CELF2: variants seen among roughly 807,000 people sequenced by gnomAD.
CELF2 encodes CUGBP Elav-like family member 2.
A neutral mutation model predicts 62.6 loss-of-function variants in CELF2; 8 were observed. The observed-to-expected ratio is 0.13, with a 90% confidence interval of 0.07 to 0.23. The LOEUF is 0.23. Ranked by LOEUF, CELF2 falls within the 10% of genes least tolerant of loss-of-function variation. The pLI, the probability that CELF2 is intolerant of heterozygous loss-of-function variation, is 1.00. For missense variants in CELF2, 333 were observed against 671.0 expected, an observed-to-expected ratio of 0.50 and a Z score of 5.56; for synonymous variants, 258 against 250.0, an observed-to-expected ratio of 1.03 and a Z score of -0.30.
intron 5 of CELF2, among the ~76,000 whole-genome samples, chr10:11,261,065 C>G (rs3780989): frequency 0.73 from 111,661 of 152,196 alleles, 43,481 homozygotes; most frequent in Middle Eastern, 0.88. Flanking sequence ...ACAGTACCTT[C>G]TAACACAAAA....
At chr10:10,497,991 A>G in the CELF2 span, among the ~76,000 whole-genome samples, 4 of 152,190 alleles carry the variant, frequency 2.6e-5, no homozygotes, top group Admixed American at 1.3e-4. Flanking sequence ...GTCAGAGGTG[A>G]AGGAGGGTCC....
chr10:11,007,616 G>T (rs575986176), intron 1 of CELF2, among the ~76,000 whole-genome samples: 1 of 152,144 alleles, frequency 6.6e-6, no homozygotes, highest in African/African-American at 2.4e-5. Context: ...TCATTCCATC[G>T]TATACCAATA....
intron 2 of CELF2, among the ~76,000 whole-genome samples, chr10:10,971,252 C>T (rs1421215752): frequency 6.6e-6 from 1 of 152,190 alleles, no homozygotes; most frequent in African/African-American, 2.4e-5. Context: ...TCTGAGTTCT[C>T]ATAGACAGCT....
At chr10:10,689,868 T>A in the CELF2 span, among the ~76,000 whole-genome samples, 22 of 152,254 alleles carry the variant, frequency 1.4e-4, no homozygotes, top group Admixed American at 1.0e-3. Context: ...TCCTACTGAA[T>A]TTCAACAGAA....
At chr10:10,865,526 A>G (rs570889578) in intron 1 of CELF2, among the ~76,000 whole-genome samples, 1 of 152,230 alleles carries the variant, frequency 6.6e-6, no homozygotes, top group Non-Finnish European at 1.5e-5. Flanking sequence ...TATTAGCCTT[A>G]TAGTTACATC....
chr10:10,918,460 A>C (rs10905863), intron 1 of CELF2, among the ~76,000 whole-genome samples: 57,416 of 152,054 alleles, frequency 0.38, 12,284 homozygotes, highest in East Asian at 0.71. Context: ...CTTAGGAAAG[A>C]ATATTTTTAT....
At chr10:11,202,931 C>G (rs866123138) in intron 2 of CELF2, among the ~76,000 whole-genome samples, 4 of 91,644 alleles carry the variant, frequency 4.4e-5, no homozygotes, top group African/African-American at 1.3e-4. Flanking sequence ...CTCTCTCTCT[C>G]TCTCTCTCTC....
chr10:10,859,093 TA>T (rs1271571488), intron 1 of CELF2, among the ~76,000 whole-genome samples: 2 of 152,154 alleles, frequency 1.3e-5, no homozygotes, highest in African/African-American at 4.8e-5. Context: ...TTTTTTCAAG[TA>T]TTCGTATTAA....
chr10:10,871,699 G>T (rs1197263627), intron 1 of CELF2, among the ~76,000 whole-genome samples: 1 of 152,120 alleles, frequency 6.6e-6, no homozygotes, highest in Non-Finnish European at 1.5e-5. Flanking sequence ...CTTTTGGGAT[G>T]GAACCAGGGG....
In CELF2 at chr10:11,306,853, A is replaced by T. The variant is rs2094253076; in HGVS notation, c.977-7286A>T. ...ACTATAGCCAGCCTCCCAGTTTTTA[A>T]ATAGGAAGCCAGGGTGTAAAGAGAC... On this transcript the variant is annotated intron_variant, in intron 9 of 12. Coordinates refer to ENST00000633077, the MANE Select transcript of CELF2 (RefSeq NM_001326342.2). This position sits in a 1 kb window ranked among gnomAD's most constrained non-coding sequence, Gnocchi z 4.4. Among the ~76,000 whole-genome samples, 1 of 152,166 alleles carries T rather than the reference A, an allele frequency of 6.6e-6. No individual in the cohort carries two copies. Among genetic ancestry groups the T allele is most frequent in the South Asian group, 2.1e-4 (1 of 4,830 alleles).
chr10:10,679,040 A>C, the CELF2 span, among the ~76,000 whole-genome samples: 1 of 152,194 alleles, frequency 6.6e-6, no homozygotes, highest in African/African-American at 2.4e-5. Flanking sequence ...TGAACAACTA[A>C]GCTAAAATAA....
rs765796594 is a variant in CELF2, at chr10:11,260,249, C to T, written c.538+2377C>T. Among the ~76,000 whole-genome samples the T allele has an allele frequency of 1.3e-5, 2 of 152,164 alleles. No homozygotes were observed. The highest frequency in any genetic ancestry group is 4.1e-4 in the South Asian group (2 of 4,828). ...TGAGCATACCCTCTGCATGTGTTAG[C>T]GGAGAGACCCCGGGCGGGCAGTATG... On this transcript the variant is annotated intron_variant, in intron 5 of 12. Transcript: ENST00000633077. The surrounding 1 kb of genome is among the most constrained non-coding windows in gnomAD (Gnocchi z 4.2).
chr10:10,702,103 G>A, the CELF2 span, among the ~76,000 whole-genome samples: 1 of 152,130 alleles, frequency 6.6e-6, no homozygotes. Context: ...TCCTTAATTA[G>A]TTTTAGCTTA....
chr10:11,049,606 T>C (rs1317212304), intron 1 of CELF2, among the ~76,000 whole-genome samples: 1 of 149,268 alleles, frequency 6.7e-6, no homozygotes, highest in Non-Finnish European at 1.5e-5. Flanking sequence ...TCTCAAAATG[T>C]TATTTTGTTT....
At chr10:10,976,374 C>T (rs898940595) in intron 2 of CELF2, among the ~76,000 whole-genome samples, 3 of 152,178 alleles carry the variant, frequency 2.0e-5, no homozygotes, top group Non-Finnish European at 4.4e-5. Context: ...CATCAAATGC[C>T]TGTTCTCAGA....
At chr10:11,266,744 C>G in intron 6 of CELF2, 67 bp downstream of exon 6, 1 of 1,283,786 alleles carries the variant, frequency 7.8e-7, no homozygotes, top group Non-Finnish European at 1.1e-6. Flanking sequence ...AAGCAATTCT[C>G]TCCTGTGTGG....
At chr10:10,676,000 A>C in the CELF2 span, among the ~76,000 whole-genome samples, 1 of 152,150 alleles carries the variant, frequency 6.6e-6, no homozygotes, top group African/African-American at 2.4e-5. Flanking sequence ...TTTGCCTTTT[A>C]GTATGGCTTG....
chr10:10,920,431 T>C (rs2064782174), intron 2 of CELF2, among the ~76,000 whole-genome samples: 2 of 152,222 alleles, frequency 1.3e-5, no homozygotes, highest in South Asian at 4.1e-4. Flanking sequence ...GAGCTTCCCC[T>C]GAAGAGCTCA....
chr10:10,655,092 C>T, the CELF2 span, among the ~76,000 whole-genome samples: 1 of 150,320 alleles, frequency 6.7e-6, no homozygotes, highest in Non-Finnish European at 1.5e-5. Flanking sequence ...AATAGAGAGC[C>T]AAATCATGAG....
Sources: allele counts gnomAD v4.1 joint callset (sites outside exome capture counted in the v4.1 genomes callset), GRCh38; gene constraint gnomAD v4.1.1; non-coding constraint Gnocchi (gnomAD v3.1); transcripts MANE v1.5; gene names NCBI Gene and HGNC (gene_info 2026-07-23, HGNC 2026-07-21).